The following RBFOX1 variants were observed in gnomAD, a reference collection of about 807,000 sequenced individuals.
RBFOX1 encodes RNA binding protein fox-1 homolog 1.
In RBFOX1, 8 loss-of-function variants were observed where a neutral mutation model predicts 57.7. That is an observed-to-expected ratio of 0.14 (90% CI 0.08 to 0.25). RBFOX1 has a LOEUF of 0.25. RBFOX1 is among the 10% of genes least tolerant of loss of function. The probability of loss-of-function intolerance (pLI) is 1.00; values close to 1 mark genes in which losing one functional copy is unlikely to be tolerated. For missense variants in RBFOX1, 611 were observed against 548.5 expected (o/e 1.11, Z -1.14); for synonymous variants, 326 against 222.4 (o/e 1.47, Z -4.15).
chr16:6,574,758 G>A (rs953911315), intron 2 of RBFOX1, among the ~76,000 whole-genome samples: 2 of 148,026 alleles, frequency 1.4e-5, no homozygotes, highest in Non-Finnish European at 3.0e-5. Flanking sequence ...GCAACCACGG[G>A]CTGGGCGTGG....
intron 2 of RBFOX1, among the ~76,000 whole-genome samples, chr16:6,369,275 T>G (rs2090098356): frequency 6.6e-6 from 1 of 152,190 alleles, no homozygotes; most frequent in Non-Finnish European, 1.5e-5. Context: ...TCACTTCAAA[T>G]TCACCTAATT....
intron 2 of RBFOX1, among the ~76,000 whole-genome samples, chr16:5,522,232 A>G (rs761018999): frequency 1.3e-5 from 2 of 152,172 alleles, no homozygotes; most frequent in Non-Finnish European, 2.9e-5. Flanking sequence ...TTTTTATTGC[A>G]TGGCCATGGA....
intron 4 of RBFOX1, among the ~76,000 whole-genome samples, chr16:7,517,538 A>G (rs2076629908): frequency 2.0e-5 from 1 of 50,640 alleles, no homozygotes; most frequent in Non-Finnish European, 4.7e-5. Context: ...TCATACACGC[A>G]TACACACACA....
At chr16:6,756,539 T>C (rs1487972532) in intron 3 of RBFOX1, among the ~76,000 whole-genome samples, 2 of 152,076 alleles carry the variant, frequency 1.3e-5, no homozygotes, top group African/African-American at 2.4e-5. Flanking sequence ...ATCTGTAGAA[T>C]GGGAGCAAAT....
chr16:7,216,275 C>T (rs769257201), intron 4 of RBFOX1, among the ~76,000 whole-genome samples: 1 of 152,186 alleles, frequency 6.6e-6, no homozygotes, highest in African/African-American at 2.4e-5. Context: ...TCCAGGTTCT[C>T]TCATTGACCA....
chr16:6,459,974 A>C (rs2094874624), intron 2 of RBFOX1, among the ~76,000 whole-genome samples: 1 of 113,534 alleles, frequency 8.8e-6, no homozygotes, highest in Non-Finnish European at 1.7e-5. Flanking sequence ...ACAAGAGTGA[A>C]ACTCCATCTC....
At chr16:6,293,197 G>A (rs1027617575) in intron 1 of RBFOX1, among the ~76,000 whole-genome samples, 1 of 152,106 alleles carries the variant, frequency 6.6e-6, no homozygotes, top group South Asian at 2.1e-4. Flanking sequence ...ATAGATGGGG[G>A]AAATGAGAAC....
chr16:6,062,413 T>C (rs2095699350), intron 1 of RBFOX1, among the ~76,000 whole-genome samples: 1 of 152,008 alleles, frequency 6.6e-6, no homozygotes, highest in Non-Finnish European at 1.5e-5. Flanking sequence ...CAGCCATCAG[T>C]CATCTCATTA....
chr16:6,823,727 C>T (rs1157698703), intron 3 of RBFOX1, among the ~76,000 whole-genome samples: 1 of 152,030 alleles, frequency 6.6e-6, no homozygotes, highest in Non-Finnish European at 1.5e-5. Flanking sequence ...CAATATTTAC[C>T]ACCAATTGAA....
chr16:5,583,704 T>G (rs1286104655), intron 2 of RBFOX1, among the ~76,000 whole-genome samples: 1 of 152,238 alleles, frequency 6.6e-6, no homozygotes, highest in African/African-American at 2.4e-5. Flanking sequence ...CTAAGATTTA[T>G]TGGGCTTTTA....
chr16:6,703,914 G>C (rs898028756), intron 3 of RBFOX1: 2 of 152,168 alleles, frequency 1.3e-5, no homozygotes, highest in Non-Finnish European at 2.9e-5. Context: ...CTATCTCATA[G>C]AAAAGAGGCC....
chr16:5,460,350 T>A (rs982707447), intron 1 of RBFOX1, among the ~76,000 whole-genome samples: 1 of 152,230 alleles, frequency 6.6e-6, no homozygotes, highest in Non-Finnish European at 1.5e-5. Context: ...GTTTTAATTC[T>A]TGTATAATGG....
chr16:5,338,133 A>G (rs1218250136), intron 1 of RBFOX1, among the ~76,000 whole-genome samples: 1 of 151,168 alleles, frequency 6.6e-6, no homozygotes, highest in African/African-American at 2.5e-5. Context: ...GCTGCTGGGT[A>G]CTGTGGTTGT....
chr16:6,002,183 C>T (rs750739513), intron 4 of RBFOX1, among the ~76,000 whole-genome samples: 3 of 152,054 alleles, frequency 2.0e-5, no homozygotes, highest in Non-Finnish European at 4.4e-5. Flanking sequence ...TGATATGTTG[C>T]CCAGGCTGGT....
chr16:6,958,414 G>A (rs888096360), intron 3 of RBFOX1, among the ~76,000 whole-genome samples: 12 of 152,030 alleles, frequency 7.9e-5, no homozygotes, highest in Admixed American at 5.2e-4. Context: ...TTTTATGATC[G>A]GGTATCATTA....
At chr16:6,601,632 C>G (rs937412625) in intron 2 of RBFOX1, among the ~76,000 whole-genome samples, 3 of 152,130 alleles carry the variant, frequency 2.0e-5, no homozygotes, top group African/African-American at 7.2e-5. Flanking sequence ...TTGGGACTAG[C>G]TCGCTCAGGA....
At chr16:5,687,936 T>C (rs994372199) in intron 3 of RBFOX1, among the ~76,000 whole-genome samples, 14 of 152,208 alleles carry the variant, frequency 9.2e-5, no homozygotes, top group African/African-American at 3.4e-4. Context: ...GAATGTATAC[T>C]GGGTTTGTTT....
chr16:5,746,116 T>C (rs951200108), intron 3 of RBFOX1, among the ~76,000 whole-genome samples: 1 of 152,226 alleles, frequency 6.6e-6, no homozygotes, highest in African/African-American at 2.4e-5. Context: ...AATTTTTGTA[T>C]AAGGTGTAAA....
intron 1 of RBFOX1, among the ~76,000 whole-genome samples, chr16:6,204,488 C>T (rs1180937935): frequency 6.6e-6 from 1 of 152,070 alleles, no homozygotes; most frequent in African/African-American, 2.4e-5. Context: ...TAATGAAATC[C>T]ATCCCACCAA....
Sources: allele counts gnomAD v4.1 joint callset (sites outside exome capture counted in the v4.1 genomes callset), GRCh38; gene constraint gnomAD v4.1.1; transcripts MANE v1.5; gene names NCBI Gene and HGNC (gene_info 2026-07-23, HGNC 2026-07-21).